ORC1: variants seen among roughly 807,000 people sequenced by gnomAD.
ORC1 encodes origin recognition complex subunit 1.
ORC1 carries 61 observed loss-of-function variants against 98.9 expected under a neutral mutation model. The observed-to-expected ratio is 0.62, with a 90% confidence interval of 0.50 to 0.76. The LOEUF is 0.76. ORC1 is among the 30% of genes least tolerant of loss of function. The pLI, the probability that ORC1 is intolerant of heterozygous loss-of-function variation, is 0.00. For missense variants in ORC1, 979 were observed against 1,072.2 expected, an observed-to-expected ratio of 0.91 and a Z score of 1.21; for synonymous variants, 385 against 406.9, an observed-to-expected ratio of 0.95 and a Z score of 0.65.
At position 52,381,741 on chromosome 1, in the gene ORC1, G is replaced by C; in HGVS notation, c.2034C>G (p.Phe678Leu). The change falls in exon 14 of 17, where the codon TTC (phenylalanine) becomes TTG (leucine). Residue 678 changes from phenylalanine to leucine, a missense_variant. Phe to Leu is a conservative substitution (Grantham distance 22). Transcript: ENST00000371568. The stretch of plus-strand genomic sequence containing the variant: ...GCAGCTGGCTATATGTATAGGGCTG[G>C]AAGCACATCCTGGTAAGACCCTGGG... ...SSRLGLTRMC[F>L]QPYTYSQLQQ... 4.3e-6 allele frequency: 7 copies of C among 1,613,514 alleles called. No individual in the cohort carries two copies. Among genetic ancestry groups the C allele is most frequent in the Non-Finnish European group, 5.9e-6 (7 of 1,179,660 alleles).
At chr1:52,377,696 C>A (rs1323164119) in intron 14 of ORC1, among the ~76,000 whole-genome samples, 6 of 122,134 alleles carry the variant, frequency 4.9e-5, no homozygotes, top group South Asian at 2.7e-4. Flanking sequence ...GGTAGTGCCC[C>A]TAGAAGCAAA....
intron 6 of ORC1, among the ~76,000 whole-genome samples, chr1:52,391,986 CAT>C (rs1647221877): frequency 6.6e-6 from 1 of 150,940 alleles, no homozygotes; most frequent in African/African-American, 2.4e-5. Flanking sequence ...AGCCAGCAAA[CAT>C]ATGAAAAAAT....
At chr1:52,404,656 C>T, upstream of ORC1, 8 of 1,422,934 alleles carry the variant, frequency 5.6e-6, no homozygotes, top group Middle Eastern at 4.9e-4. Flanking sequence ...AGTGAAACTT[C>T]TTCCACCTTT....
chr1:52,376,118 T>G (rs1248391302), intron 14 of ORC1, among the ~76,000 whole-genome samples: 1 of 152,122 alleles, frequency 6.6e-6, no homozygotes, highest in Non-Finnish European at 1.5e-5. Context: ...ACACCTATAA[T>G]CCCAGAACTT....
rs3087486 is a variant in ORC1, at chr1:52,393,328, A to G, written c.1082+115T>C. On this transcript the variant is annotated intron_variant, in intron 6 of 16. Transcript: ENST00000371568. ...ATCTGTATTTTAAGAAAGCTCCCCA[A>G]TACTTCTGTGACATAGGTTTTTCAA... 2,903 of 1,415,134 alleles carry G rather than the reference A, an allele frequency of 2.1e-3. 38 individuals are homozygous for G. In the African/African-American group the frequency reaches 0.033, roughly 16 times the overall value. The allele number at this position is 1,415,134 out of a possible 1,614,324, so 87.7% of individuals were successfully genotyped here.
intron 14 of ORC1, among the ~76,000 whole-genome samples, chr1:52,379,301 C>T (rs1242859370): frequency 1.4e-5 from 2 of 146,914 alleles, no homozygotes; most frequent in Admixed American, 6.8e-5. Flanking sequence ...TGGAGTGCAG[C>T]GGTGCGATCT....
chr1:52,398,367 G>A (rs1436738161), intron 3 of ORC1, among the ~76,000 whole-genome samples: 1 of 151,770 alleles, frequency 6.6e-6, no homozygotes, highest in Admixed American at 6.6e-5. Flanking sequence ...TGGTTCAGGA[G>A]ATTCTCCTGG....
In ORC1 at chr1:52,383,838, C is replaced by A; in HGVS notation, c.1855G>T (p.Val619Leu). 1.2e-6 allele frequency: 2 copies of A among 1,613,718 alleles called. No individual in the cohort carries two copies. Among genetic ancestry groups the A allele is most frequent in the Non-Finnish European group, 1.7e-6 (2 of 1,179,658 alleles). The change falls in exon 12 of 17, where the codon GTG becomes TTG. Residue 619 changes from valine to leucine, a missense_variant. Val to Leu is a conservative substitution (Grantham distance 32). Transcript: ENST00000371568. ...GSPQETTVLL[V>L]DELDLLWTHK... The stretch of plus-strand genomic sequence containing the variant: ...GCCCATGGGCACCTCACCTCATCCA[C>A]AAGCAGGACGGTGGTTTCCTGAGGT...
At chr1:52,408,641 A>G (rs2147955414), upstream of ORC1, 1 of 1,614,218 alleles carries the variant, frequency 6.2e-7, no homozygotes, top group Non-Finnish European at 8.5e-7. Context: ...AGTACTTGGA[A>G]CCTTTGTACA....
At position 52,397,584 on chromosome 1, in the gene ORC1, C is replaced by T. The variant is rs549729321; in HGVS notation, c.402+101G>A. ...AAGATGACAGGAAATAATGCATTCCCTATGGGGTATTAGAGCCGGTAATAT... is the reference window on the plus strand; with the variant it reads ...AAGATGACAGGAAATAATGCATTCCTTATGGGGTATTAGAGCCGGTAATAT... On this transcript the variant is annotated intron_variant, in intron 4 of 16. Coordinates refer to ENST00000371568, the MANE Select transcript of ORC1 (RefSeq NM_004153.4). The T allele has an allele frequency of 5.3e-5, 56 of 1,060,096 alleles. No individual in the cohort carries two copies. The East Asian group carries it at 1.0e-3, about 19-fold the overall frequency. 65.7% of individuals were successfully genotyped at this position (1,060,096 alleles called of 1,614,324 possible).
At chr1:52,381,511 G>T in intron 14 of ORC1, 131 bp downstream of exon 14, 1 of 957,068 alleles carries the variant, frequency 1.0e-6, no homozygotes, top group Non-Finnish European at 1.6e-6. Context: ...TCATAATCTT[G>T]TCTTTTTTGA....
chr1:52,387,275 G>C (rs754828249), intron 8 of ORC1, among the ~76,000 whole-genome samples: 4 of 152,084 alleles, frequency 2.6e-5, no homozygotes, highest in Non-Finnish European at 5.9e-5. Context: ...AACTGTGTGT[G>C]CAAGGGATCT....
chr1:52,384,050 T>C, intron 11 of ORC1, 113 bp from the exon 12 acceptor site: 1 of 813,188 alleles, frequency 1.2e-6, no homozygotes. Flanking sequence ...CGGTATCCTA[T>C]ATTCTGCCTC....
At chr1:52,392,137 C>CTT (rs1458293327) in intron 6 of ORC1, among the ~76,000 whole-genome samples, 2 of 144,534 alleles carry the variant, frequency 1.4e-5, no homozygotes, top group Admixed American at 6.9e-5. Flanking sequence ...GGGAACACTT[C>CTT]TTTTTTTTTT....
chr1:52,408,421 C>T (rs865847576), upstream of ORC1: 1 of 1,046,104 alleles, frequency 9.6e-7, no homozygotes, highest in Non-Finnish European at 1.5e-6. Flanking sequence ...AGCTGTCTTT[C>T]TTCTGCTGCA....
chr1:52,398,652 G>C (rs1231767948), intron 3 of ORC1, among the ~76,000 whole-genome samples: 1 of 151,956 alleles, frequency 6.6e-6, no homozygotes, highest in East Asian at 1.9e-4. Context: ...TTTGATCTTG[G>C]CTCACTGCAA....
chr1:52,396,832 T>C (rs1484327992), intron 4 of ORC1, among the ~76,000 whole-genome samples: 1 of 152,186 alleles, frequency 6.6e-6, no homozygotes, highest in African/African-American at 2.4e-5. Context: ...CAACAGCCAA[T>C]AATGGCTCCC....
chr1:52,383,368 G>A, intron 13 of ORC1, 52 bp downstream of exon 13: 1 of 1,607,476 alleles, frequency 6.2e-7, no homozygotes, highest in South Asian at 1.1e-5. Flanking sequence ...AGAACTTCTT[G>A]GCCAAGCTTA....
At chr1:52,405,691 G>A (rs1647965863), upstream of ORC1, 1 of 1,612,986 alleles carries the variant, frequency 6.2e-7, no homozygotes, top group Non-Finnish European at 8.5e-7. Context: ...TGAACTTGTA[G>A]TCGATAAAGC....
Sources: allele counts gnomAD v4.1 joint callset (sites outside exome capture counted in the v4.1 genomes callset), GRCh38; gene constraint gnomAD v4.1.1; transcripts MANE v1.5; gene names NCBI Gene and HGNC (gene_info 2026-07-23, HGNC 2026-07-21).